TMEM132D: variants seen among roughly 807,000 people sequenced by gnomAD.
TMEM132D encodes the protein mature OL transmembrane protein.
In TMEM132D, 21 loss-of-function variants were observed where a neutral mutation model predicts 62.3. The ratio of observed to expected loss-of-function variants is 0.34; its 90% confidence interval spans 0.24 to 0.49. TMEM132D has a LOEUF of 0.49. Among genes scored for constraint, TMEM132D ranks in the 20% least tolerant of loss-of-function variants. The pLI, the probability that TMEM132D is intolerant of heterozygous loss-of-function variation, is 0.99. For missense variants in TMEM132D, 1,346 were observed against 1,402.8 expected (o/e 0.96, Z 0.65); for synonymous variants, 621 against 575.6 (o/e 1.08, Z -1.13).
intron 4 of TMEM132D, among the ~76,000 whole-genome samples, chr12:129,265,295 T>A (rs1363598575): frequency 1.3e-5 from 2 of 151,968 alleles, no homozygotes; most frequent in African/African-American, 4.8e-5. Flanking sequence ...CCTGAGTCAA[T>A]AAAGAAAAAG....
At chr12:129,635,110 C>T (rs1879443204) in intron 2 of TMEM132D, among the ~76,000 whole-genome samples, 1 of 152,208 alleles carries the variant, frequency 6.6e-6, no homozygotes, top group Admixed American at 6.5e-5. Context: ...AAGAACACTT[C>T]TAAATGTTTT....
chr12:129,581,756 A>G (rs1314405515), intron 2 of TMEM132D, among the ~76,000 whole-genome samples: 5 of 151,990 alleles, frequency 3.3e-5, no homozygotes, highest in South Asian at 2.1e-4. Flanking sequence ...TCAAATGTCA[A>G]TCTCCTTTGG....
chr12:129,137,112 CCAT>C (rs1473079202), intron 5 of TMEM132D, among the ~76,000 whole-genome samples: 1 of 146,842 alleles, frequency 6.8e-6, no homozygotes, highest in South Asian at 2.2e-4. Flanking sequence ...ATCACCACCA[CCAT>C]CATCACCATC....
intron 5 of TMEM132D, among the ~76,000 whole-genome samples, chr12:129,165,802 C>T (rs1000984255): frequency 1.3e-5 from 2 of 151,996 alleles, no homozygotes; most frequent in African/African-American, 2.4e-5. Flanking sequence ...CTCCTTCTGG[C>T]TAGACTTTTT....
intron 1 of TMEM132D, among the ~76,000 whole-genome samples, chr12:129,900,681 C>T (rs1366035621): frequency 6.6e-6 from 1 of 152,218 alleles, no homozygotes; most frequent in Non-Finnish European, 1.5e-5. Context: ...TCAGCCCACC[C>T]TCCATACACC....
intron 2 of TMEM132D, among the ~76,000 whole-genome samples, chr12:129,691,245 A>C (rs1477040151): frequency 1.3e-5 from 2 of 152,034 alleles, no homozygotes; most frequent in Non-Finnish European, 2.9e-5. Context: ...TAAAATCAAT[A>C]ACCTAATCTA....
rs184278971 is a variant in TMEM132D, at chr12:129,636,438, G to A, written c.968+63372C>T. Among the ~76,000 whole-genome samples, 11 of 152,132 alleles carry A rather than the reference G, an allele frequency of 7.2e-5. No individual in the cohort carries two copies. The East Asian group carries it at 2.1e-3, about 29-fold the overall frequency. ...GTGTTTATATCTCTGTGTTAATGTTGGTCAGTTGTCCCTGAAAAAAGGAAG... is the reference window on the plus strand; with the variant it reads ...GTGTTTATATCTCTGTGTTAATGTTAGTCAGTTGTCCCTGAAAAAAGGAAG... On this transcript the variant is annotated intron_variant, in intron 2 of 8. Transcript: ENST00000422113.
At chr12:129,205,722 A>G (rs886185951) in intron 5 of TMEM132D, among the ~76,000 whole-genome samples, 16 of 152,262 alleles carry the variant, frequency 1.1e-4, no homozygotes, top group Admixed American at 8.5e-4. Flanking sequence ...CATTCTTCTC[A>G]TCACCACGTG....
At chr12:129,711,659 G>A (rs1052119075) in intron 1 of TMEM132D, among the ~76,000 whole-genome samples, 24 of 150,966 alleles carry the variant, frequency 1.6e-4, no homozygotes, top group Admixed American at 1.6e-3. Flanking sequence ...CCCGGGAAGT[G>A]GAGGTTGGAG....
At chr12:129,151,742 T>G (rs1214359760) in intron 5 of TMEM132D, among the ~76,000 whole-genome samples, 1 of 152,198 alleles carries the variant, frequency 6.6e-6, no homozygotes, top group East Asian at 1.9e-4. Context: ...GCTTTCCAGA[T>G]GTTGCCCCCC....
chr12:129,580,997 C>G (rs1877842447), intron 2 of TMEM132D, among the ~76,000 whole-genome samples: 1 of 152,220 alleles, frequency 6.6e-6, no homozygotes, highest in South Asian at 2.1e-4. Context: ...GTTTCTATAT[C>G]TGACCCTCCA....
chr12:129,694,506 G>T (rs999054996), intron 2 of TMEM132D, among the ~76,000 whole-genome samples: 1 of 152,170 alleles, frequency 6.6e-6, no homozygotes, highest in Non-Finnish European at 1.5e-5. Flanking sequence ...TAGCTTAATA[G>T]GCAGACAAGA....
At chr12:129,296,907 G>A (rs1881592979) in intron 4 of TMEM132D, among the ~76,000 whole-genome samples, 1 of 152,172 alleles carries the variant, frequency 6.6e-6, no homozygotes, top group Admixed American at 6.5e-5. Context: ...CAGACTTTCT[G>A]GAAGACAGTA....
chr12:129,139,080 G>A (rs1482457445), intron 5 of TMEM132D, among the ~76,000 whole-genome samples: 1 of 152,236 alleles, frequency 6.6e-6, no homozygotes, highest in Non-Finnish European at 1.5e-5. Flanking sequence ...TACGTGAGGC[G>A]CACAGGGAGT....
At chr12:129,306,859 A>G (rs985422374) in intron 4 of TMEM132D, among the ~76,000 whole-genome samples, 42 of 152,200 alleles carry the variant, frequency 2.8e-4, no homozygotes, top group African/African-American at 8.9e-4. Flanking sequence ...AGGTTAGGGC[A>G]CTAAAGACAG....
intron 2 of TMEM132D, among the ~76,000 whole-genome samples, chr12:129,646,579 C>G (rs964544134): frequency 6.6e-6 from 1 of 152,096 alleles, no homozygotes; most frequent in Non-Finnish European, 1.5e-5. Flanking sequence ...GAGATAAATA[C>G]TCCTCCCAAA....
intron 1 of TMEM132D, among the ~76,000 whole-genome samples, chr12:129,799,732 G>A (rs1871701286): frequency 6.6e-6 from 1 of 152,132 alleles, no homozygotes; most frequent in Non-Finnish European, 1.5e-5. Context: ...ACAGGCTTTG[G>A]TACTGGGGAG....
intron 1 of TMEM132D, among the ~76,000 whole-genome samples, chr12:129,726,278 A>G (rs1869033620): frequency 6.6e-6 from 1 of 152,152 alleles, no homozygotes; most frequent in Non-Finnish European, 1.5e-5. Flanking sequence ...CTTCCAATGA[A>G]TCCCCAAAGC....
At chr12:129,266,081 T>C (rs963839227) in intron 4 of TMEM132D, among the ~76,000 whole-genome samples, 3 of 151,452 alleles carry the variant, frequency 2.0e-5, no homozygotes, top group East Asian at 2.0e-4. Context: ...GGCTCCTCTA[T>C]GTAGACTTCT....
Sources: gnomAD v4.1 joint callset for allele counts (sites outside exome capture counted in the v4.1 genomes callset) on GRCh38, gnomAD v4.1.1 for gene constraint, MANE v1.5 for transcripts, NCBI Gene and HGNC (gene_info 2026-07-23, HGNC 2026-07-21) for gene names.